Variants in ZBTB40 observed in about 807,000 individuals in gnomAD.
The protein encoded by ZBTB40 is zinc finger and BTB domain-containing protein 40.
Under a neutral mutation model 117.5 loss-of-function variants are expected in ZBTB40, and 60 were observed. The ratio of observed to expected loss-of-function variants is 0.51; its 90% confidence interval spans 0.41 to 0.63. The LOEUF (loss-of-function observed/expected upper bound fraction) is 0.63, where lower values mean the gene tolerates loss of function less well. Among genes scored for constraint, ZBTB40 ranks in the 30% least tolerant of loss-of-function variants. The pLI, the probability that ZBTB40 is intolerant of heterozygous loss-of-function variation, is 0.00. For missense variants in ZBTB40, 1,287 were observed against 1,498.5 expected (o/e 0.86, Z 2.33); for synonymous variants, 525 against 577.1 (o/e 0.91, Z 1.29).
rs996036627 is a variant in ZBTB40, at chr1:22,529,367, C to G, written c.*2971C>G. On this transcript the variant is annotated 3_prime_UTR_variant, in exon 18 of 18. Coordinates refer to ENST00000375647, the MANE Select transcript of ZBTB40 (RefSeq NM_014870.4). ...GCTTCTTGGAACACATGGATCTGTT[C>G]GGTGGGTCCCCAGACCTCTGCTCCC... 4 of 152,244 alleles carry G rather than the reference C, an allele frequency of 2.6e-5. No individual in the cohort carries two copies. Among genetic ancestry groups the G allele is most frequent in the Non-Finnish European group, 4.4e-5 (3 of 68,116 alleles). 9.4% of individuals were successfully genotyped at this position (152,244 alleles called of 1,614,324 possible).
rs1353892790 is a variant in ZBTB40, at chr1:22,512,951, A to G, written c.2489A>G (p.His830Arg). 6.2e-7 allele frequency: 1 copy of G among 1,614,232 alleles called. No individual in the cohort carries two copies. Among genetic ancestry groups the G allele is most frequent in the South Asian group, 1.1e-5 (1 of 91,082 alleles). ...SGMQYHKLTE[H>R]FDEKPFSCEE... ...ATGCAGTACCATAAGCTGACAGAGC[A>G]CTTCGATGAGAAGCCTTTCTCCTGT... The change falls in exon 12 of 18, where the codon CAC becomes CGC. Residue 830 changes from histidine to arginine, a missense_variant. Coordinates refer to ENST00000375647, the MANE Select transcript of ZBTB40 (RefSeq NM_014870.4).
intron 1 of ZBTB40, among the ~76,000 whole-genome samples, chr1:22,464,336 A>T (rs1641203329): frequency 6.6e-6 from 1 of 152,204 alleles, no homozygotes; most frequent in African/African-American, 2.4e-5. Flanking sequence ...TCCCCCAGAA[A>T]GGGTGTAGTT....
intron 1 of ZBTB40, among the ~76,000 whole-genome samples, chr1:22,468,830 T>C (rs1456106693): frequency 6.6e-6 from 1 of 151,596 alleles, no homozygotes; most frequent in African/African-American, 2.4e-5. Flanking sequence ...TCTTTCTTTT[T>C]TGGTTTGTTT....
chr1:22,509,374 T>C (rs866611227), intron 9 of ZBTB40, 141 bp downstream of exon 9: 3 of 1,245,882 alleles, frequency 2.4e-6, no homozygotes, highest in Middle Eastern at 5.4e-4. Flanking sequence ...TGAGACAGAG[T>C]CTTGCTCTGT....
intron 1 of ZBTB40, among the ~76,000 whole-genome samples, chr1:22,465,725 A>G (rs1641238477): frequency 6.7e-6 from 1 of 150,370 alleles, no homozygotes; most frequent in African/African-American, 2.4e-5. Context: ...GACCCCCAAG[A>G]GTGCAGGGAT....
At chr1:22,519,295 C>A (rs895965617) in intron 13 of ZBTB40, among the ~76,000 whole-genome samples, 1 of 152,200 alleles carries the variant, frequency 6.6e-6, no homozygotes, top group African/African-American at 2.4e-5. Context: ...TTCATCACTA[C>A]TAGTTTTATT....
chr1:22,441,436 CTT>C (rs1315587485), intron 1 of ZBTB40, among the ~76,000 whole-genome samples: 1 of 140,806 alleles, frequency 7.1e-6, no homozygotes, highest in African/African-American at 2.6e-5. Context: ...TCTGTTCTCT[CTT>C]GTTTCTCTCT....
At chr1:22,511,616 G>T in intron 10 of ZBTB40, 60 bp from the exon 11 acceptor site, 1 of 1,572,540 alleles carries the variant, frequency 6.4e-7, no homozygotes, top group South Asian at 1.2e-5. Flanking sequence ...TGTTAGAAAC[G>T]TTATAAAGCA....
chr1:22,520,476 AT>A (rs1639492976), intron 14 of ZBTB40, among the ~76,000 whole-genome samples: 1 of 152,186 alleles, frequency 6.6e-6, no homozygotes, highest in Admixed American at 6.5e-5. Context: ...GGGGGAGCTC[AT>A]TATTGGAGCA....
chr1:22,509,293 C>G, intron 9 of ZBTB40, 60 bp downstream of exon 9: 3 of 1,608,122 alleles, frequency 1.9e-6, no homozygotes, highest in Non-Finnish European at 2.6e-6. Flanking sequence ...CTGGGACTGT[C>G]TTCATTCCTA....
chr1:22,527,604 G>C lies in ZBTB40; in HGVS notation c.*1208G>C, dbSNP rs1475314910. 3 of 152,484 alleles carry C rather than the reference G, an allele frequency of 2.0e-5. No homozygotes were observed. Among genetic ancestry groups the C allele is most frequent in the South Asian group, 4.1e-4 (2 of 4,828 alleles). 9.4% of individuals were successfully genotyped at this position (152,484 alleles called of 1,614,324 possible). ...GCCAAAGGTTGGAGTCTGCTGGTGC[G>C]GTGTTTACACACCAGGCAGGGCTGT... On this transcript the variant is annotated 3_prime_UTR_variant, in exon 18 of 18. Coordinates refer to ENST00000375647, the MANE Select transcript of ZBTB40 (RefSeq NM_014870.4).
At chr1:22,463,323 A>G (rs1641173906) in intron 1 of ZBTB40, among the ~76,000 whole-genome samples, 1 of 152,180 alleles carries the variant, frequency 6.6e-6, no homozygotes, top group African/African-American at 2.4e-5. Context: ...TTAGATGGGT[A>G]TCTGTGAATT....
In ZBTB40 at chr1:22,436,247, C is replaced by T. The variant is rs1640668523; in HGVS notation, c.-70+7233C>T. 5.3e-5 allele frequency among the ~76,000 whole-genome samples: 8 copies of T among 152,116 alleles called. No individual in the cohort carries two copies. The South Asian group carries it at 1.7e-3, about 31-fold the overall frequency. On this transcript the variant is annotated intron_variant, in intron 1 of 8. Transcript: ENST00000650433. The stretch of plus-strand genomic sequence containing the variant: ...AATACTCATGCCGGACGCGGTGGCT[C>T]ATGCCTGTAATCCCAGCACTTTGGG...
In ZBTB40 at chr1:22,515,320, T is replaced by G. The variant is rs10917244; in HGVS notation, c.2669-1980T>G. Among the ~76,000 whole-genome samples the G allele has an allele frequency of 2.6e-3, 403 of 152,380 alleles. 1 individual carries two copies. The highest frequency in any genetic ancestry group is 8.6e-3 in the African/African-American group (358 of 41,588). On this transcript the variant is annotated intron_variant, in intron 12 of 17. Transcript: ENST00000375647. Reference sequence around the variant, plus strand: ...AAAGGCTGGACCTTGGAGGGTCTTATAAGCCAAGGTGAGGACTTTTGGTTT... The same window carrying G: ...AAAGGCTGGACCTTGGAGGGTCTTAGAAGCCAAGGTGAGGACTTTTGGTTT...
chr1:22,501,540 A>C lies in ZBTB40; in HGVS notation c.880A>C (p.Arg294=). The C allele has an allele frequency of 6.2e-7, 1 of 1,614,158 alleles. No homozygotes were observed. ...TGAAGGAGGACATTCAGCATTCCAGAGAATCCTGGGTAAAGTAAGAGAGGA... is the reference window on the plus strand; with the variant it reads ...TGAAGGAGGACATTCAGCATTCCAGCGAATCCTGGGTAAAGTAAGAGAGGA... ...EGEGGHSAFQ[R]ILGKVREESL... The change falls in exon 4 of 18, where the codon AGA becomes CGA. Residue 294 remains arginine, a synonymous_variant. Transcript: ENST00000375647.
At chr1:22,465,995 GA>G (rs1288248055) in intron 1 of ZBTB40, among the ~76,000 whole-genome samples, 3 of 152,108 alleles carry the variant, frequency 2.0e-5, no homozygotes, top group African/African-American at 7.2e-5. Context: ...TTATCACTCT[GA>G]AACCCCCCCT....
intron 1 of ZBTB40, among the ~76,000 whole-genome samples, chr1:22,433,123 C>A (rs1306182281): frequency 6.6e-6 from 1 of 151,882 alleles, no homozygotes. Context: ...TACAAAAGAA[C>A]AACACAATCA....
chr1:22,505,598 A>G (rs534540758), intron 5 of ZBTB40, among the ~76,000 whole-genome samples: 3 of 152,352 alleles, frequency 2.0e-5, no homozygotes, highest in South Asian at 4.1e-4. Context: ...AAGTAAAACA[A>G]TGGAATTATA....
intron 9 of ZBTB40, 148 bp downstream of exon 9, chr1:22,509,381 C>T: frequency 8.1e-6 from 10 of 1,233,352 alleles, no homozygotes; most frequent in Non-Finnish European, 1.1e-5. Context: ...GAGTCTTGCT[C>T]TGTCGCCCAG....
Sources: gnomAD v4.1 joint callset for allele counts (sites outside exome capture counted in the v4.1 genomes callset) on GRCh38, gnomAD v4.1.1 for gene constraint, MANE v1.5 for transcripts, NCBI Gene and HGNC (gene_info 2026-07-23, HGNC 2026-07-21) for gene names.